The following RIDA variants were observed in gnomAD, a reference collection of about 807,000 sequenced individuals.
RIDA encodes the protein reactive intermediate imine deaminase A, also known as 2-iminobutanoate/2-iminopropanoate deaminase.
In RIDA, 17 loss-of-function variants were observed where a neutral mutation model predicts 17.8. The observed-to-expected ratio is 0.96, with a 90% CI of 0.65 to 1.43. The LOEUF (loss-of-function observed/expected upper bound fraction) is 1.43, where lower values mean the gene tolerates loss of function less well. Among genes scored for constraint, RIDA ranks in the 40% most tolerant of loss-of-function variants. The pLI, the probability that RIDA is intolerant of heterozygous loss-of-function variation, is 0.00. For missense variants in RIDA, 158 were observed against 161.7 expected, an observed-to-expected ratio of 0.98 and a Z score of 0.12; for synonymous variants, 48 against 55.7, an observed-to-expected ratio of 0.86 and a Z score of 0.62.
At chr8:98,108,016 C>T (rs571952084) in intron 2 of RIDA, among the ~76,000 whole-genome samples, 24 of 149,996 alleles carry the variant, frequency 1.6e-4, no homozygotes, top group Non-Finnish European at 2.5e-4. Flanking sequence ...GTGATCTGCC[C>T]GCCTCGGCCT....
intron 1 of RIDA, among the ~76,000 whole-genome samples, chr8:98,110,537 G>A (rs1201002408): frequency 1.3e-5 from 2 of 152,206 alleles, no homozygotes; most frequent in African/African-American, 4.8e-5. Flanking sequence ...TGGGATTACA[G>A]TCGTGGGCCA....
intron 1 of RIDA, among the ~76,000 whole-genome samples, chr8:98,110,506 T>C (rs1215514163): frequency 4.3e-4 from 65 of 152,280 alleles, no homozygotes; most frequent in African/African-American, 1.1e-3. Flanking sequence ...GTGATCCGCC[T>C]GCCTCCGCTT....
chr8:98,113,793 T>C (rs1815761973), intron 1 of RIDA: 1 of 152,196 alleles, frequency 6.6e-6, no homozygotes, highest in South Asian at 2.1e-4. Flanking sequence ...TCCCTCTTGT[T>C]TGGAGGTAAA....
At chr8:98,115,818 T>G (rs1298852583) in intron 1 of RIDA, among the ~76,000 whole-genome samples, 1 of 152,246 alleles carries the variant, frequency 6.6e-6, no homozygotes, top group Non-Finnish European at 1.5e-5. Flanking sequence ...TCTATTGAAT[T>G]GTTTTCTATT....
intron 5 of RIDA, 32 bp from the exon 6 acceptor site, chr8:98,102,936 C>T (rs1815580258): frequency 1.3e-6 from 2 of 1,549,942 alleles, no homozygotes; most frequent in African/African-American, 1.4e-5. Flanking sequence ...TTGTTGTAAT[C>T]ATTTTGTACA....
At chr8:98,108,214 G>A (rs1815661273) in intron 2 of RIDA, among the ~76,000 whole-genome samples, 1 of 152,142 alleles carries the variant, frequency 6.6e-6, no homozygotes, top group Non-Finnish European at 1.5e-5. Flanking sequence ...ATCGTGCCTG[G>A]CCTAAATTAT....
chr8:98,115,060 A>G (rs145278789), intron 1 of RIDA, among the ~76,000 whole-genome samples: 12 of 152,244 alleles, frequency 7.9e-5, no homozygotes, highest in African/African-American at 2.6e-4. Context: ...AATAGGGACT[A>G]TAATATAACC....
chr8:98,104,272 G>T (rs2130548391), intron 5 of RIDA, among the ~76,000 whole-genome samples: 1 of 151,912 alleles, frequency 6.6e-6, no homozygotes, highest in East Asian at 1.9e-4. Flanking sequence ...TTTTTGTAGG[G>T]ATGGCTGTCT....
At chr8:98,110,529 G>A (rs1177311401) in intron 1 of RIDA, among the ~76,000 whole-genome samples, 2 of 152,104 alleles carry the variant, frequency 1.3e-5, no homozygotes, top group Non-Finnish European at 2.9e-5. Flanking sequence ...CAAAGTGCTG[G>A]GATTACAGTC....
At chr8:98,116,638 T>C (rs947396797) in intron 1 of RIDA, among the ~76,000 whole-genome samples, 1 of 152,164 alleles carries the variant, frequency 6.6e-6, no homozygotes, top group African/African-American at 2.4e-5. Context: ...TGCACAACTC[T>C]GTGAGTATGG....
At chr8:98,104,276 GC>G (rs1483126674) in intron 5 of RIDA, among the ~76,000 whole-genome samples, 1 of 151,870 alleles carries the variant, frequency 6.6e-6, no homozygotes, top group Non-Finnish European at 1.5e-5. Flanking sequence ...TGTAGGGATG[GC>G]TGTCTTGCTA....
chr8:98,108,606 G>T, intron 2 of RIDA, 40 bp downstream of exon 2: 2 of 1,208,026 alleles, frequency 1.7e-6, no homozygotes, highest in Non-Finnish European at 2.5e-6. Flanking sequence ...CATTAAAAAG[G>T]TAGTAGAAAA....
At chr8:98,105,898 T>C in intron 4 of RIDA, 40 bp downstream of exon 4, 1 of 1,300,542 alleles carries the variant, frequency 7.7e-7, no homozygotes, top group Non-Finnish European at 1.1e-6. Context: ...ATTTCTTTCT[T>C]TTTAAAAATG....
chr8:98,105,522 C>T (rs377186354), intron 4 of RIDA, among the ~76,000 whole-genome samples: 18 of 152,156 alleles, frequency 1.2e-4, no homozygotes, highest in African/African-American at 4.1e-4. Flanking sequence ...ATATTATCTC[C>T]ATTTTGCATA....
At chr8:98,115,412 A>AGG (rs1815794912) in intron 1 of RIDA, among the ~76,000 whole-genome samples, 2 of 94,558 alleles carry the variant, frequency 2.1e-5, no homozygotes, top group African/African-American at 8.9e-5. Context: ...AAAAAAAAAA[A>AGG]AAAGGGATAG....
At chr8:98,115,388 CAAAAAAAAAAAAAAA>C (rs766262204) in intron 1 of RIDA, among the ~76,000 whole-genome samples, 1 of 41,136 alleles carries the variant, frequency 2.4e-5, no homozygotes, top group Non-Finnish European at 4.2e-5. Context: ...ACTCTGCCTC[CAAAAAAAAAAAAAAA>C]AAAAAAAAAA....
At chr8:98,109,840 C>T (rs1815693867) in intron 1 of RIDA, among the ~76,000 whole-genome samples, 1 of 152,140 alleles carries the variant, frequency 6.6e-6, no homozygotes, top group Non-Finnish European at 1.5e-5. Flanking sequence ...TGGTCTCAAA[C>T]TCCTGGACTC....
intron 1 of RIDA, among the ~76,000 whole-genome samples, chr8:98,112,029 TTG>T (rs1364242620): frequency 6.6e-6 from 1 of 152,146 alleles, no homozygotes; most frequent in Non-Finnish European, 1.5e-5. Context: ...CTTGTACACT[TTG>T]TTTTTTTCAC....
chr8:98,105,120 CAAAAAAAAAAAAAAA>C (rs11354936), intron 4 of RIDA, among the ~76,000 whole-genome samples: 1 of 88,058 alleles, frequency 1.1e-5, no homozygotes, highest in Admixed American at 1.3e-4. Flanking sequence ...AGCTTTCTGG[CAAAAAAAAAAAAAAA>C]AAAAAAAAAG....
Sources: allele counts gnomAD v4.1 joint callset (sites outside exome capture counted in the v4.1 genomes callset), GRCh38; gene constraint gnomAD v4.1.1; transcripts MANE v1.5; gene names NCBI Gene and HGNC (gene_info 2026-07-23, HGNC 2026-07-21).